Variants in DEFB110 observed in about 807,000 individuals in gnomAD.
The protein encoded by DEFB110 is defensin beta 110.
A neutral mutation model predicts 2.5 loss-of-function variants in DEFB110; 4 were observed. That is an observed-to-expected ratio of 1.60 (90% CI 0.79 to 3.66). The LOEUF is 3.66. Ranked by LOEUF, DEFB110 falls within the 30% of genes most tolerant of loss-of-function variation. DEFB110 has a pLI of 0.01. For synonymous variants in DEFB110, 29 were observed against 21.8 expected (o/e 1.33, Z -0.92); for missense variants, 94 against 75.4 (o/e 1.25, Z -0.91).
rs1458782864 is a variant in DEFB110 at position 50,018,886 on chromosome 6, A to G, written c.*91T>C. On this transcript the variant is annotated 3_prime_UTR_variant, in exon 2 of 2. Coordinates refer to ENST00000371148, the MANE Select transcript of DEFB110 (RefSeq NM_001037497.2). ...TTTTTATTTAGTTCTTGTGTATTAT[A>G]GAGACACACACGCCTTGAAGGATGT... The G allele has an allele frequency of 1.0e-4, 151 of 1,484,036 alleles. 2 individuals are homozygous for G. In the South Asian group the frequency reaches 2.0e-3, roughly 19 times the overall value. 91.9% of individuals were successfully genotyped at this position (1,484,036 alleles called of 1,614,324 possible).
At chr6:50,016,252 C>T (rs771724930), downstream of DEFB110, among the ~76,000 whole-genome samples, 2 of 151,736 alleles carry the variant, frequency 1.3e-5, no homozygotes, top group African/African-American at 2.4e-5. Context: ...CAATATAATG[C>T]TTTTAATTGA....
chr6:50,016,996 A>G (rs115537670), downstream of DEFB110, among the ~76,000 whole-genome samples: 1,043 of 151,814 alleles, frequency 6.9e-3, 11 homozygotes, highest in African/African-American at 0.021. Flanking sequence ...GGTGGGTCCT[A>G]ACAAACTCAA....
chr6:50,017,540 G>A (rs761903157), downstream of DEFB110, among the ~76,000 whole-genome samples: 1 of 151,732 alleles, frequency 6.6e-6, no homozygotes, highest in Non-Finnish European at 1.5e-5. Flanking sequence ...AACATATAAC[G>A]AGCAGAATAG....
At chr6:50,010,020 C>T (rs1774201080) in intron 1 of DEFB110, among the ~76,000 whole-genome samples, 1 of 151,946 alleles carries the variant, frequency 6.6e-6, no homozygotes, top group African/African-American at 2.4e-5. Context: ...TACAACTGTA[C>T]TCTGAAAATG....
chr6:50,013,397 C>T (rs1489134200), intron 1 of DEFB110, among the ~76,000 whole-genome samples: 3 of 151,724 alleles, frequency 2.0e-5, no homozygotes, highest in African/African-American at 7.3e-5. Context: ...AATGGTATGA[C>T]CTTTTAGCAC....
downstream of DEFB110, among the ~76,000 whole-genome samples, chr6:50,017,947 T>A (rs1193412168): frequency 6.6e-6 from 1 of 151,996 alleles, no homozygotes; most frequent in Non-Finnish European, 1.5e-5. Context: ...AAAATATTGG[T>A]TAATTTTATT....
At position 50,011,156 on chromosome 6, in the gene DEFB110, G is replaced by A. The variant is rs147112213; in HGVS notation, c.56-1885C>T. On this transcript the variant is annotated intron_variant, in intron 1 of 1. Transcript: ENST00000393660. The stretch of plus-strand genomic sequence containing the variant: ...TTTGTATTGTTATGAAAATTGATAC[G>A]TATCAATTTATAATACATATAGATA... 1.5e-3 allele frequency among the ~76,000 whole-genome samples: 228 copies of A among 150,928 alleles called. 3 individuals are homozygous for A. Among genetic ancestry groups the A allele is most frequent in the African/African-American group, 4.5e-3 (187 of 41,230 alleles).
chr6:50,014,515 T>A (rs1774283375), downstream of DEFB110, among the ~76,000 whole-genome samples: 1 of 151,872 alleles, frequency 6.6e-6, no homozygotes, highest in Admixed American at 6.6e-5. Context: ...AATTTTGACT[T>A]ACAAAATGGC....
downstream of DEFB110, among the ~76,000 whole-genome samples, chr6:50,017,113 A>G (rs1464107422): frequency 6.6e-6 from 1 of 151,830 alleles, no homozygotes; most frequent in Non-Finnish European, 1.5e-5. Context: ...AATAAAAATC[A>G]AACTTTCATA....
At chr6:50,015,196 A>G (rs1774296418), downstream of DEFB110, among the ~76,000 whole-genome samples, 1 of 151,794 alleles carries the variant, frequency 6.6e-6, no homozygotes, top group Non-Finnish European at 1.5e-5. Flanking sequence ...ACAGATCCAG[A>G]ATTCTACATC....
Position 50,009,177 on chromosome 6 carries a change from A to C in DEFB110, c.150T>G (p.Tyr50Ter), listed in dbSNP as rs976310723. ...GACTTCTCCATTTAATGCAGTATCC[A>C]TAATCATACTCAACATCATCACAAA... Residue 50 changes from tyrosine (Y) to a stop codon, truncating the protein, a stop_gained, in exon 2 of 2, where the codon TAT (tyrosine) becomes TAG (stop). Transcript: ENST00000393660. LOFTEE classifies it high-confidence loss of function. 2 of 1,611,362 alleles carry C rather than the reference A, an allele frequency of 1.2e-6. No homozygotes were observed. Among genetic ancestry groups the C allele is most frequent in the Non-Finnish European group, 1.7e-6 (2 of 1,179,512 alleles).
chr6:50,015,030 A>G (rs1161149208), downstream of DEFB110, among the ~76,000 whole-genome samples: 2 of 151,822 alleles, frequency 1.3e-5, no homozygotes, highest in Non-Finnish European at 2.9e-5. Context: ...TCGTCCAACC[A>G]AAATTTGTTA....
chr6:50,009,380 T>G, intron 1 of DEFB110: 2 of 1,146,934 alleles, frequency 1.7e-6, no homozygotes, highest in Admixed American at 6.1e-5. Context: ...TGTGTGCAAG[T>G]TGGAGACAAT....
Position 50,018,986 on chromosome 6 carries a change from C to T in DEFB110, c.195G>A (p.Leu65=). Residue 65 remains leucine, a synonymous_variant, in exon 2 of 2, where the codon TTG becomes TTA. Transcript: ENST00000371148. ...TTTTCTTCTGTCATCGTTACTGCTG[C>T]AAGCAGCAATGAGTTCCAGGTCTTA... The part of the protein sequence containing the change: ...YCIRPGTHCC[L]QQ 1 of 1,610,586 alleles carries T rather than the reference C, an allele frequency of 6.2e-7. No homozygotes were observed. The highest frequency in any genetic ancestry group is 8.5e-7 in the Non-Finnish European group (1 of 1,178,468).
chr6:50,015,090 A>G (rs750626492), downstream of DEFB110, among the ~76,000 whole-genome samples: 3 of 151,732 alleles, frequency 2.0e-5, no homozygotes, highest in South Asian at 4.1e-4. Context: ...AATCTTTCCA[A>G]TTGCTCAGAC....
chr6:50,012,973 C>T (rs111967780), intron 1 of DEFB110, among the ~76,000 whole-genome samples: 2,645 of 151,900 alleles, frequency 0.017, 73 homozygotes, highest in African/African-American at 0.06. Flanking sequence ...GTTGTAAACT[C>T]TTCCTGGAAT....
At chr6:50,021,148 C>T (rs1404155528) in intron 1 of DEFB110, among the ~76,000 whole-genome samples, 1 of 152,124 alleles carries the variant, frequency 6.6e-6, no homozygotes, top group Non-Finnish European at 1.5e-5. Flanking sequence ...AATATACTCC[C>T]TGTCAATTGG....
At chr6:50,020,681 A>G (rs1375590411) in intron 1 of DEFB110, among the ~76,000 whole-genome samples, 2 of 152,208 alleles carry the variant, frequency 1.3e-5, no homozygotes, top group Non-Finnish European at 2.9e-5. Flanking sequence ...TGTCATTGGT[A>G]TAATGGCTAT....
chr6:50,021,781 A>G lies in DEFB110; in HGVS notation c.55+100T>C, dbSNP rs1774421827. 1.2e-5 allele frequency: 13 copies of G among 1,100,390 alleles called. No homozygotes were observed. The Admixed American group carries it at 4.2e-4, about 36-fold the overall frequency. The allele number at this position is 1,100,390 out of a possible 1,614,324, so 68.2% of individuals were successfully genotyped here. ...TACCACATTACATTTTTGTGAAATGATGTTTTAATCCCTATGTTATTATCA... is the reference window on the plus strand; with the variant it reads ...TACCACATTACATTTTTGTGAAATGGTGTTTTAATCCCTATGTTATTATCA... On this transcript the variant is annotated intron_variant, in intron 1 of 1. Transcript: ENST00000371148.
Sources: allele counts gnomAD v4.1 joint callset (sites outside exome capture counted in the v4.1 genomes callset), GRCh38; gene constraint gnomAD v4.1.1; transcripts MANE v1.5; gene names NCBI Gene and HGNC (gene_info 2026-07-23, HGNC 2026-07-21).